PABPC1: variants seen among roughly 807,000 people sequenced by gnomAD.
PABPC1 encodes the protein poly(A) binding protein cytoplasmic 1.
PABPC1 carries 4 observed loss-of-function variants against 74.0 expected under a neutral mutation model. The ratio of observed to expected loss-of-function variants is 0.05; its 90% CI spans 0.03 to 0.12. The LOEUF (loss-of-function observed/expected upper bound fraction) is 0.12. PABPC1 is among the 10% of genes least tolerant of loss of function. The pLI is 1.00. For missense variants in PABPC1, 271 were observed against 821.1 expected, an observed-to-expected ratio of 0.33 and a Z score of 8.19; for synonymous variants, 227 against 264.1, an observed-to-expected ratio of 0.86 and a Z score of 1.36.
At chr8:100,707,897 A>G (rs1810423904) in intron 9 of PABPC1, among the ~76,000 whole-genome samples, 1 of 152,206 alleles carries the variant, frequency 6.6e-6, no homozygotes, top group Admixed American at 6.5e-5. Context: ...CACTAGACCA[A>G]GGAGCCCTTT....
chr8:100,708,432 G>C (rs909020481), intron 9 of PABPC1, among the ~76,000 whole-genome samples: 3 of 152,096 alleles, frequency 2.0e-5, no homozygotes, highest in Non-Finnish European at 4.4e-5. Context: ...CTCCAGACTA[G>C]AAGAAAGAGT....
chr8:100,703,569 C>T (rs79743746), intron 14 of PABPC1, among the ~76,000 whole-genome samples: 6,671 of 152,194 alleles, frequency 0.044, 499 homozygotes, highest in African/African-American at 0.15. Flanking sequence ...GTCCTCAAAG[C>T]CCAAAATATT....
At chr8:100,707,292 T>TAA (rs113383922) in intron 9 of PABPC1, 8 of 244,744 alleles carry the variant, frequency 3.3e-5, no homozygotes, top group African/African-American at 4.7e-5. Flanking sequence ...CACAGAGATT[T>TAA]AAAAAAAAAA....
At position 100,709,153 on chromosome 8, in the gene PABPC1, G is replaced by A. The variant is rs779184574; in HGVS notation, c.1316C>T (p.Ala439Val). ...CTTACGATGAGGTCTGGCACCCTGA[G>A]CAGTCCAGCGAGGACTTGGTCTTAG... ...AQLRPSPRWT[A>V]QGARPHPFQN... The change falls in exon 9 of 15, where the codon GCT becomes GTT. Residue 439 changes from alanine to valine, a missense_variant. By Grantham distance (64) the Ala-to-Val change is moderately conservative. This residue lies in a region of PABPC1 where 103 missense variants were observed against 245.3 expected (regional missense o/e 0.42). Coordinates refer to ENST00000318607, the MANE Select transcript of PABPC1 (RefSeq NM_002568.4). The A allele has an allele frequency of 6.2e-7, 1 of 1,613,712 alleles. No homozygotes were observed. Among genetic ancestry groups the A allele is most frequent in the South Asian group, 1.1e-5 (1 of 91,074 alleles).
At position 100,709,521 on chromosome 8, in the gene PABPC1, G is replaced by A; in HGVS notation, c.1183C>T (p.Pro395Ser). ...RMASVRAVPN[P>S]VINPYQPAPP... ...GCTGGCTGGTAGGGGTTGATTACAG[G>A]GTTGGGAACAGCTCGTACACTTGCC... The change falls in exon 8 of 15, where the codon CCT becomes TCT. Residue 395 changes from proline to serine, a missense_variant. Physicochemically the swap from Pro to Ser is moderately conservative, Grantham distance 74. Transcript: ENST00000318607. 1 of 1,614,226 alleles carries A rather than the reference G, an allele frequency of 6.2e-7. No homozygotes were observed. The highest frequency in any genetic ancestry group is 8.5e-7 in the Non-Finnish European group (1 of 1,180,044).
chr8:100,718,453 C>A (rs569667010), intron 1 of PABPC1, among the ~76,000 whole-genome samples, 173 bp from the exon 2 acceptor site: 1 of 152,284 alleles, frequency 6.6e-6, no homozygotes, highest in South Asian at 2.1e-4. Context: ...TAGTGTGGGA[C>A]CTAAGTTGTA....
At chr8:100,706,254 A>C (rs935839757) in intron 11 of PABPC1, among the ~76,000 whole-genome samples, 1 of 152,242 alleles carries the variant, frequency 6.6e-6, no homozygotes, top group South Asian at 2.1e-4. Flanking sequence ...ACATACTATC[A>C]TATTAGCAGA....
chr8:100,709,964 G>C, intron 7 of PABPC1: 1 of 423,120 alleles, frequency 2.4e-6, no homozygotes, highest in Non-Finnish European at 4.2e-6. Flanking sequence ...AGAAGTGAAG[G>C]CTGCACAGAA....
intron 7 of PABPC1, among the ~76,000 whole-genome samples, chr8:100,711,756 C>A (rs1810532481): frequency 6.6e-6 from 1 of 152,162 alleles, no homozygotes; most frequent in South Asian, 2.1e-4. Flanking sequence ...AGATCAGCCA[C>A]AGCGTCATTC....
In PABPC1 at chr8:100,721,923, A is replaced by G. The variant is rs929629274; in HGVS notation, c.-340T>C. 9 of 242,000 alleles carry G rather than the reference A, an allele frequency of 3.7e-5. No individual in the cohort carries two copies. The highest frequency in any genetic ancestry group is 2.4e-4 in the East Asian group (3 of 12,416). The allele number at this position is 242,000 out of a possible 1,614,324, so 15.0% of individuals were successfully genotyped here. On this transcript the variant is annotated 5_prime_UTR_variant, in exon 1 of 15. Transcript: ENST00000318607. The surrounding 1 kb of genome is among the most constrained non-coding windows in gnomAD (Gnocchi z 7.4). The stretch of plus-strand genomic sequence containing the variant: ...GGTTATTTTATAAAAGAGGAAGAAA[A>G]AAAATAAAAGTCTCCGGCGGGGGAG...
chr8:100,704,184 T>C lies in PABPC1; in HGVS notation c.*1+113A>G, dbSNP rs1810321338. 8.6e-6 allele frequency: 7 copies of C among 817,590 alleles called. No homozygotes were observed. The South Asian group carries it at 1.1e-4, about 13-fold the overall frequency. The allele number at this position is 817,590 out of a possible 1,614,324, so 50.6% of individuals were successfully genotyped here. On this transcript the variant is annotated intron_variant, in intron 14 of 14. Coordinates refer to ENST00000318607, the MANE Select transcript of PABPC1 (RefSeq NM_002568.4). ...TTCCTTGAAAAATTAGCAATACATTTAAATGAACTGTAAAATGATCTTTTG... is the reference window on the plus strand; with the variant it reads ...TTCCTTGAAAAATTAGCAATACATTCAAATGAACTGTAAAATGATCTTTTG...
At chr8:100,716,806 A>T (rs754080368) in intron 3 of PABPC1, among the ~76,000 whole-genome samples, 3 of 152,204 alleles carry the variant, frequency 2.0e-5, no homozygotes, top group Non-Finnish European at 2.9e-5. Context: ...TCAGCTTCCC[A>T]GTGGCTGGGA....
intron 9 of PABPC1, among the ~76,000 whole-genome samples, chr8:100,708,162 C>T (rs529927596): frequency 1.0e-3 from 157 of 152,318 alleles, no homozygotes; most frequent in African/African-American, 3.7e-3. Context: ...TGGAACAGCT[C>T]GTGTCCTCGG....
intron 11 of PABPC1, 33 bp downstream of exon 11, chr8:100,706,618 G>A: frequency 6.3e-7 from 1 of 1,589,836 alleles, no homozygotes; most frequent in Non-Finnish European, 8.6e-7. Context: ...CCCAAGAAAT[G>A]TGATTTTTAT....
rs188056615 is a variant in PABPC1 at position 100,707,452 on chromosome 8, G to T, written c.1337-455C>A. Among the ~76,000 whole-genome samples the T allele has an allele frequency of 8.6e-4, 131 of 152,310 alleles. 2 individuals are homozygous for T. The East Asian group carries it at 0.023, about 27-fold the overall frequency. ...CTCCAATGATAGGTAAGGTCACGTG[G>T]GTTACGTGTCCACTGGAGAGGGGGC... is the stretch of plus-strand genomic sequence containing the variant. On this transcript the variant is annotated intron_variant, in intron 9 of 14. Transcript: ENST00000318607.
At chr8:100,715,799 C>CAA (rs201171556) in intron 3 of PABPC1, among the ~76,000 whole-genome samples, 198 bp from the exon 4 acceptor site, 1 of 146,704 alleles carries the variant, frequency 6.8e-6, no homozygotes. Flanking sequence ...ACTACAATCA[C>CAA]AAAAAAAAAA....
intron 3 of PABPC1, among the ~76,000 whole-genome samples, chr8:100,716,051 A>G (rs868805337): frequency 3.3e-5 from 5 of 152,260 alleles, no homozygotes; most frequent in African/African-American, 1.2e-4. Flanking sequence ...TAACTGCAGC[A>G]TTTTCAACAA....
intron 12 of PABPC1, 67 bp from the exon 13 acceptor site, chr8:100,705,123 C>T: frequency 7.5e-7 from 1 of 1,331,680 alleles, no homozygotes; most frequent in Non-Finnish European, 1.1e-6. Flanking sequence ...TGAATTACCA[C>T]ATTAAACTGG....
At chr8:100,707,364 T>C (rs768649958) in intron 9 of PABPC1, among the ~76,000 whole-genome samples, 1 of 151,190 alleles carries the variant, frequency 6.6e-6, no homozygotes, top group Admixed American at 6.6e-5. Flanking sequence ...GCCCTGAATG[T>C]CTGGCTGCAC....
Sources: gnomAD v4.1 joint callset for allele counts (sites outside exome capture counted in the v4.1 genomes callset) on GRCh38, gnomAD v4.1.1 for gene constraint, gnomAD v4.1.1 regional missense constraint, Gnocchi (gnomAD v3.1) non-coding constraint, MANE v1.5 for transcripts, NCBI Gene and HGNC (gene_info 2026-07-23, HGNC 2026-07-21) for gene names.